The following GSE1 variants were observed in gnomAD, a reference collection of about 807,000 sequenced individuals.
GSE1 encodes the protein genetic suppressor element 1.
A neutral mutation model predicts 112.6 loss-of-function variants in GSE1; 32 were observed. The ratio of observed to expected loss-of-function variants is 0.28; its 90% CI spans 0.21 to 0.38. The LOEUF (loss-of-function observed/expected upper bound fraction) is 0.38, where lower values mean the gene tolerates loss of function less well. Among genes scored for constraint, GSE1 ranks in the 10% least tolerant of loss-of-function variants. The pLI, the probability that GSE1 is intolerant of heterozygous loss-of-function variation, is 1.00. For missense variants in GSE1, 2,348 were observed against 1,699.2 expected, an observed-to-expected ratio of 1.38 and a Z score of -6.71; for synonymous variants, 1,115 against 735.6, an observed-to-expected ratio of 1.52 and a Z score of -8.35.
intron 2 of GSE1, among the ~76,000 whole-genome samples, chr16:85,523,572 G>C (rs1371135598): frequency 6.6e-6 from 1 of 152,160 alleles, no homozygotes; most frequent in Admixed American, 6.5e-5. Flanking sequence ...CCTGGGAGCC[G>C]CCTCCCACTC....
intron 2 of GSE1, among the ~76,000 whole-genome samples, chr16:85,543,570 CA>C (rs2044597917): frequency 6.6e-6 from 1 of 152,156 alleles, no homozygotes; most frequent in African/African-American, 2.4e-5. Flanking sequence ...TGTCCTGAGT[CA>C]CAAGCTTATC....
chr16:85,177,900 G>A (rs920349982), intron 1 of GSE1, among the ~76,000 whole-genome samples: 20 of 152,136 alleles, frequency 1.3e-4, no homozygotes, highest in African/African-American at 4.3e-4. Context: ...CCTGCCTCCC[G>A]TCCCTGTGTG....
intron 2 of GSE1, among the ~76,000 whole-genome samples, chr16:85,507,951 A>G (rs1039499584): frequency 2.6e-5 from 4 of 152,130 alleles, no homozygotes; most frequent in Admixed American, 6.5e-5. Context: ...GGGCCCCTGC[A>G]TGACAAAGAG....
intron 2 of GSE1, among the ~76,000 whole-genome samples, chr16:85,638,069 C>G (rs1343913997): frequency 1.3e-5 from 2 of 152,332 alleles, no homozygotes; most frequent in Admixed American, 1.3e-4. Context: ...CCGCCTGCGG[C>G]AAGCCTTCTC....
At chr16:85,665,489 T>A (rs987668212) in intron 12 of GSE1, among the ~76,000 whole-genome samples, 2 of 152,224 alleles carry the variant, frequency 1.3e-5, no homozygotes, top group African/African-American at 4.8e-5. Context: ...GCCCGCAGCC[T>A]GGTCCTGCCA....
chr16:85,657,750 A>G, intron 8 of GSE1, 146 bp downstream of exon 8: 1 of 601,750 alleles, frequency 1.7e-6, no homozygotes, highest in Non-Finnish European at 2.8e-6. Flanking sequence ...TTCACGTTAT[A>G]ATGCCTGTCT....
chr16:85,618,358 T>A (rs2048512292), intron 1 of GSE1, among the ~76,000 whole-genome samples: 1 of 152,170 alleles, frequency 6.6e-6, no homozygotes, highest in Non-Finnish European at 1.5e-5. Flanking sequence ...GCCCGCCACA[T>A]GCCCCTGACG....
rs144705428 is a variant in GSE1, at chr16:85,324,297, G to T, written c.2284-33166G>T. On this transcript the variant is annotated intron_variant, in intron 1 of 2. Coordinates refer to the GSE1 transcript ENST00000637419. ...GACTGAGGCAGGTGGATCACCTGGGGTCAGGAGTTTGAGACCAGCCTGGCC... is the reference window on the plus strand; with the variant it reads ...GACTGAGGCAGGTGGATCACCTGGGTTCAGGAGTTTGAGACCAGCCTGGCC... 3.1e-3 allele frequency among the ~76,000 whole-genome samples: 476 copies of T among 152,306 alleles called. 4 individuals are homozygous for T. Among genetic ancestry groups the T allele is most frequent in the African/African-American group, 0.011 (456 of 41,548 alleles).
intron 1 of GSE1, among the ~76,000 whole-genome samples, chr16:85,185,597 A>G (rs1309323042): frequency 6.6e-6 from 1 of 152,208 alleles, no homozygotes; most frequent in Non-Finnish European, 1.5e-5. Context: ...GTTTGGTGAG[A>G]TGGTTCTGAG....
intron 2 of GSE1, among the ~76,000 whole-genome samples, chr16:85,515,880 C>T (rs1267370934): frequency 6.6e-6 from 1 of 152,176 alleles, no homozygotes; most frequent in African/African-American, 2.4e-5. Flanking sequence ...GCCTGCCTTT[C>T]CCCACCGGCT....
At chr16:85,189,454 A>G (rs768668447) in intron 1 of GSE1, among the ~76,000 whole-genome samples, 22 of 152,230 alleles carry the variant, frequency 1.4e-4, no homozygotes, top group Non-Finnish European at 5.9e-5. Flanking sequence ...AAAGCACTGC[A>G]CTTGGCAAAA....
intron 1 of GSE1, among the ~76,000 whole-genome samples, chr16:85,245,032 C>T (rs1342028170): frequency 1.3e-5 from 2 of 151,156 alleles, no homozygotes; most frequent in African/African-American, 4.9e-5. Context: ...TGTGGTGGCA[C>T]ATGCCTGTAG....
At chr16:85,503,181 A>C (rs2151916474) in intron 2 of GSE1, among the ~76,000 whole-genome samples, 1 of 152,354 alleles carries the variant, frequency 6.6e-6, no homozygotes, top group Admixed American at 6.5e-5. Flanking sequence ...GGTGGGAGCC[A>C]CTGACGGGAT....
chr16:85,264,322 G>A (rs529972063), intron 1 of GSE1, among the ~76,000 whole-genome samples: 25 of 152,198 alleles, frequency 1.6e-4, no homozygotes, highest in East Asian at 1.9e-4. Context: ...GAGACCCTGC[G>A]GAGGACCCCG....
In GSE1 at chr16:85,644,006, G is replaced by GC. The variant is rs777498272; in HGVS notation, c.227-4544dup. 2.6e-5 allele frequency among the ~76,000 whole-genome samples: 4 copies of GC among 152,210 alleles called. No individual in the cohort carries two copies. In the East Asian group the frequency reaches 5.8e-4, roughly 22 times the overall value. On this transcript the variant is annotated intron_variant, in intron 2 of 15. Transcript: ENST00000253458. Reference sequence around the variant, plus strand: ...CTAGATGGGAACACCCTGGGTTTGGGCCGGGTGCACAGGAGGGCTTTCCAT... The same window carrying GC: ...CTAGATGGGAACACCCTGGGTTTGGGCCCGGGTGCACAGGAGGGCTTTCCAT...
intron 1 of GSE1, among the ~76,000 whole-genome samples, chr16:85,590,530 T>C (rs2070700139): frequency 6.6e-6 from 1 of 151,656 alleles, no homozygotes; most frequent in African/African-American, 2.4e-5. Flanking sequence ...TGTGATTGTG[T>C]GAGCATGTGT....
intron 1 of GSE1, among the ~76,000 whole-genome samples, chr16:85,226,560 T>C (rs968045048): frequency 3.9e-5 from 6 of 152,104 alleles, no homozygotes; most frequent in Non-Finnish European, 7.4e-5. Flanking sequence ...GTGTCTGCAG[T>C]GGGCATCTTA....
intron 1 of GSE1, among the ~76,000 whole-genome samples, chr16:85,352,961 T>C (rs11641103): frequency 0.38 from 57,479 of 152,096 alleles, 11,452 homozygotes; most frequent in Non-Finnish European, 0.47. Flanking sequence ...CACTGATACC[T>C]AGGCCAGGCA....
chr16:85,305,298 T>G lies in GSE1; in HGVS notation c.2284-52165T>G, dbSNP rs545437725. Among the ~76,000 whole-genome samples the G allele has an allele frequency of 1.6e-3, 249 of 152,242 alleles. 1 individual carries two copies. The highest frequency in any genetic ancestry group is 5.6e-3 in the African/African-American group (233 of 41,542). On this transcript the variant is annotated intron_variant, in intron 1 of 2. Coordinates refer to the GSE1 transcript ENST00000637419. ...GCATCAGGATGATGATGATGATTAT[T>G]ATTATTTGGAGGTGGGGTCTCTGTT...
Sources: gnomAD v4.1 joint callset for allele counts (sites outside exome capture counted in the v4.1 genomes callset) on GRCh38, gnomAD v4.1.1 for gene constraint, MANE v1.5 for transcripts, NCBI Gene and HGNC (gene_info 2026-07-23, HGNC 2026-07-21) for gene names.